TMEM61: variants seen among roughly 807,000 people sequenced by gnomAD.
TMEM61 encodes transmembrane protein 61.
In TMEM61, 13 loss-of-function variants were observed where a neutral mutation model predicts 12.0. The ratio of observed to expected loss-of-function variants is 1.08; its 90% CI spans 0.70 to 1.72. TMEM61 has a LOEUF of 1.72. Ranked by LOEUF, TMEM61 falls within the 40% of genes most tolerant of loss-of-function variation. TMEM61 has a pLI of 0.00. For missense variants in TMEM61, 249 were observed against 276.9 expected (o/e 0.90, Z 0.71); for synonymous variants, 109 against 121.4 (o/e 0.90, Z 0.67).
At chr1:54,990,287 C>T (rs1348866621) in intron 2 of TMEM61, among the ~76,000 whole-genome samples, 1 of 152,192 alleles carries the variant, frequency 6.6e-6, no homozygotes, top group East Asian at 1.9e-4. Flanking sequence ...CTGCCCTGTA[C>T]TGACATACAG....
rs144119137 is a variant in TMEM61, at chr1:54,986,160, G to C, written c.79G>C (p.Val27Leu). The C allele has an allele frequency of 1.2e-6, 2 of 1,612,884 alleles. No homozygotes were observed. The highest frequency in any genetic ancestry group is 8.5e-7 in the Non-Finnish European group (1 of 1,179,238). Residue 27 changes from valine to leucine, a missense_variant, in exon 2 of 3, where the codon GTT (valine) becomes CTT (leucine). Coordinates refer to ENST00000371268, the MANE Select transcript of TMEM61 (RefSeq NM_182532.3). ...TTGCATGACAGTCAGCGGCACAGTG[G>C]TTCTGGTGGCCGGGACGCTCTGCTT... ...RYCMTVSGTV[V>L]LVAGTLCFAW...
chr1:54,991,911 A>G lies in TMEM61; in HGVS notation c.441A>G (p.Pro147=). 1 of 1,614,096 alleles carries G rather than the reference A, an allele frequency of 6.2e-7. No homozygotes were observed. The highest frequency in any genetic ancestry group is 8.5e-7 in the Non-Finnish European group (1 of 1,180,004). The part of the protein sequence containing the change: ...SFPVAEGPPT[P]PAYPTEEALE... ...CAGTGGCCGAGGGGCCCCCAACACC[A>G]CCTGCATACCCTACGGAGGAAGCCC... is the stretch of plus-strand genomic sequence containing the variant. Residue 147 remains proline (P), a synonymous_variant, in exon 3 of 3, where the codon CCA becomes CCG. Coordinates refer to ENST00000371268, the MANE Select transcript of TMEM61 (RefSeq NM_182532.3).
At chr1:54,985,924 C>A (rs1644254621) in intron 1 of TMEM61, among the ~76,000 whole-genome samples, 173 bp from the exon 2 acceptor site, 1 of 152,184 alleles carries the variant, frequency 6.6e-6, no homozygotes, top group African/African-American at 2.4e-5. Flanking sequence ...TTCAGAATAG[C>A]CCGGCAAAGT....
intron 1 of TMEM61, among the ~76,000 whole-genome samples, chr1:54,982,419 A>G (rs1167184834): frequency 6.6e-6 from 1 of 152,158 alleles, no homozygotes; most frequent in East Asian, 1.9e-4. Flanking sequence ...AATAATAAGG[A>G]AAACAACCAC....
intron 2 of TMEM61, among the ~76,000 whole-genome samples, chr1:54,988,059 G>A (rs951902815): frequency 6.6e-6 from 1 of 152,230 alleles, no homozygotes; most frequent in African/African-American, 2.4e-5. Flanking sequence ...TATTTACATA[G>A]CATTTACATA....
chr1:54,989,041 A>G (rs1392048841), intron 2 of TMEM61, among the ~76,000 whole-genome samples: 2 of 152,188 alleles, frequency 1.3e-5, no homozygotes, highest in African/African-American at 4.8e-5. Context: ...TGCACTCTGT[A>G]GCTGGTACAC....
At chr1:54,987,018 G>A (rs948326255) in intron 2 of TMEM61, among the ~76,000 whole-genome samples, 1 of 152,178 alleles carries the variant, frequency 6.6e-6, no homozygotes, top group Non-Finnish European at 1.5e-5. Context: ...GCCCTCTGAA[G>A]TAGCTACTGT....
At chr1:54,989,939 T>A (rs1402978647) in intron 2 of TMEM61, among the ~76,000 whole-genome samples, 1 of 152,098 alleles carries the variant, frequency 6.6e-6, no homozygotes, top group Non-Finnish European at 1.5e-5. Context: ...TGTGAAACAT[T>A]TGTTTTTCTT....
rs1644304629 is a variant in TMEM61 at position 54,992,136 on chromosome 1, A to C, written c.*33A>C. 1 of 1,598,668 alleles carries C rather than the reference A, an allele frequency of 6.3e-7. No homozygotes were observed. ...TAGCAGGTCCTGAATCCAGAGACAA[A>C]AATGCCGTGCCTTCTCCAGAGTCTT... On this transcript the variant is annotated 3_prime_UTR_variant, in exon 3 of 3. Transcript: ENST00000371268.
intron 2 of TMEM61, among the ~76,000 whole-genome samples, chr1:54,988,252 G>A (rs750711050): frequency 2.6e-4 from 39 of 152,348 alleles, no homozygotes; most frequent in Middle Eastern, 3.4e-3. Context: ...CCAGCCAGGC[G>A]TGAGTGCAGG....
intron 1 of TMEM61, among the ~76,000 whole-genome samples, chr1:54,982,005 C>T (rs1006483574): frequency 8.5e-5 from 13 of 152,336 alleles, no homozygotes; most frequent in African/African-American, 3.1e-4. Flanking sequence ...CGTGGAGAAG[C>T]TGGATCCTGC....
chr1:54,984,960 C>T (rs946982061), intron 1 of TMEM61, among the ~76,000 whole-genome samples: 18 of 152,068 alleles, frequency 1.2e-4, no homozygotes, highest in African/African-American at 4.3e-4. Context: ...AGGTTTTTCC[C>T]CCCGTGCATT....
chr1:54,983,109 G>GTTTTT (rs780127208), intron 1 of TMEM61, among the ~76,000 whole-genome samples: 2,514 of 109,224 alleles, frequency 0.023, 416 homozygotes, highest in African/African-American at 0.045. Flanking sequence ...GTTTTGCTTT[G>GTTTTT]TTTTTTTTTT....
intron 1 of TMEM61, among the ~76,000 whole-genome samples, chr1:54,984,606 C>CTATTA (rs1427696538): frequency 1.3e-5 from 2 of 152,196 alleles, no homozygotes; most frequent in East Asian, 3.8e-4. Context: ...TATTGAGCAG[C>CTATTA]TATTATATGC....
At chr1:54,989,542 C>T (rs923846831) in intron 2 of TMEM61, among the ~76,000 whole-genome samples, 2 of 152,224 alleles carry the variant, frequency 1.3e-5, no homozygotes, top group African/African-American at 4.8e-5. Flanking sequence ...GGCAGGACTG[C>T]CCCACACAGC....
At chr1:54,983,442 T>A (rs954356286) in intron 1 of TMEM61, among the ~76,000 whole-genome samples, 2 of 152,168 alleles carry the variant, frequency 1.3e-5, no homozygotes, top group Non-Finnish European at 2.9e-5. Flanking sequence ...AAATTTTTAT[T>A]CTCTTCTGTG....
intron 1 of TMEM61, 44 bp downstream of exon 1, chr1:54,981,124 C>T: frequency 6.4e-7 from 1 of 1,568,548 alleles, no homozygotes; most frequent in Non-Finnish European, 8.7e-7. Context: ...GCACTCAGCC[C>T]CTTCTGTCGT....
intron 2 of TMEM61, among the ~76,000 whole-genome samples, 165 bp from the exon 3 acceptor site, chr1:54,991,671 C>G (rs1281087108): frequency 1.3e-5 from 2 of 152,210 alleles, no homozygotes; most frequent in Non-Finnish European, 2.9e-5. Flanking sequence ...GCCACAGGGG[C>G]TGGCTCATGC....
chr1:54,983,761 T>C (rs989618406), intron 1 of TMEM61, among the ~76,000 whole-genome samples: 4 of 152,162 alleles, frequency 2.6e-5, no homozygotes, highest in Admixed American at 2.0e-4. Flanking sequence ...TTTTGTTTTT[T>C]GAATTTTTTT....
Sources: gnomAD v4.1 joint callset for allele counts (sites outside exome capture counted in the v4.1 genomes callset) on GRCh38, gnomAD v4.1.1 for gene constraint, MANE v1.5 for transcripts, NCBI Gene and HGNC (gene_info 2026-07-23, HGNC 2026-07-21) for gene names.